The following SNX29 variants were observed in gnomAD, a reference collection of about 807,000 sequenced individuals.
The protein encoded by SNX29 is sorting nexin 29, also known as sorting nexin-29.
SNX29 carries 78 observed loss-of-function variants against 102.1 expected under a neutral mutation model. The observed-to-expected ratio is 0.76, with a 90% confidence interval of 0.64 to 0.92. The LOEUF (loss-of-function observed/expected upper bound fraction) is 0.92. Among genes scored for constraint, SNX29 ranks in the 40% least tolerant of loss-of-function variants. The pLI is 0.00. For synonymous variants in SNX29, 580 were observed against 414.5 expected, an observed-to-expected ratio of 1.40 and a Z score of -4.85; for missense variants, 1,280 against 1,061.7, an observed-to-expected ratio of 1.21 and a Z score of -2.86.
rs117850823 is a variant in SNX29, at chr16:12,438,972, G to C, written c.2037+35443G>C. On this transcript the variant is annotated intron_variant, in intron 18 of 20. Transcript: ENST00000566228. ...AGGTGAGGGTAGAGAGGAAGGCACC[G>C]GACAGGATTGTCCACCTGCCATGTA... is the stretch of plus-strand genomic sequence containing the variant. Among the ~76,000 whole-genome samples, 141 of 152,282 alleles carry C rather than the reference G, an allele frequency of 9.3e-4. 1 individual carries two copies. The highest frequency in any genetic ancestry group is 3.2e-3 in the African/African-American group (135 of 41,550).
chr16:12,011,467 G>A (rs1218234142), intron 3 of SNX29, among the ~76,000 whole-genome samples: 1 of 151,840 alleles, frequency 6.6e-6, no homozygotes, highest in African/African-American at 2.4e-5. Context: ...TAGAGACGGG[G>A]TTTAACCATG....
chr16:12,146,229 T>A (rs2055060642), intron 13 of SNX29, among the ~76,000 whole-genome samples: 1 of 152,200 alleles, frequency 6.6e-6, no homozygotes, highest in Non-Finnish European at 1.5e-5. Flanking sequence ...TAATGTGTAT[T>A]TCCCCAAGTG....
intron 13 of SNX29, among the ~76,000 whole-genome samples, chr16:12,163,508 C>T (rs984900933): frequency 3.3e-5 from 5 of 152,116 alleles, no homozygotes; most frequent in South Asian, 2.1e-4. Context: ...ATCCTCTAGG[C>T]GATGGAGCAG....
chr16:12,137,791 C>T (rs1322302303), intron 13 of SNX29, among the ~76,000 whole-genome samples: 4 of 152,192 alleles, frequency 2.6e-5, no homozygotes, highest in African/African-American at 4.8e-5. Flanking sequence ...TTGAGAAGGT[C>T]AGGCATACTG....
At chr16:12,318,019 C>A (rs966868338) in intron 15 of SNX29, among the ~76,000 whole-genome samples, 1 of 152,212 alleles carries the variant, frequency 6.6e-6, no homozygotes, top group Non-Finnish European at 1.5e-5. Context: ...CATCACGCCA[C>A]CGATGGAGGA....
At chr16:12,316,982 G>A (rs1032664706) in intron 15 of SNX29, among the ~76,000 whole-genome samples, 2 of 152,234 alleles carry the variant, frequency 1.3e-5, no homozygotes, top group Non-Finnish European at 2.9e-5. Flanking sequence ...ATCACAGAGG[G>A]CTAGAAACCT....
chr16:12,560,077 C>G (rs962958486), intron 20 of SNX29, among the ~76,000 whole-genome samples: 1 of 152,118 alleles, frequency 6.6e-6, no homozygotes, highest in Non-Finnish European at 1.5e-5. Context: ...AACTACTGTC[C>G]TAACAGTGGT....
chr16:12,471,433 A>T (rs1373993363), intron 18 of SNX29, among the ~76,000 whole-genome samples: 1 of 152,214 alleles, frequency 6.6e-6, no homozygotes. Flanking sequence ...TCAGGGCTTG[A>T]AGAGGTGAAT....
At chr16:12,495,909 C>T (rs1462311269) in intron 19 of SNX29, among the ~76,000 whole-genome samples, 3 of 152,090 alleles carry the variant, frequency 2.0e-5, no homozygotes, top group African/African-American at 2.4e-5. Flanking sequence ...AAAAATTAGA[C>T]AGATACGGTG....
chr16:12,129,599 C>T (rs748960139), intron 12 of SNX29, 31 bp from the exon 13 acceptor site: 2 of 1,592,228 alleles, frequency 1.3e-6, no homozygotes, highest in Non-Finnish European at 1.7e-6. Flanking sequence ...GGGTTGACAG[C>T]TTCTGAACAG....
At position 12,570,080 on chromosome 16, in the gene SNX29, A is replaced by G. The variant is rs577467516; in HGVS notation, c.*1451A>G. On this transcript the variant is annotated 3_prime_UTR_variant, in exon 21 of 21. Transcript: ENST00000566228. ...CTCTGGAGAATCATCTGGAAGGTTT[A>G]TACTGTGCCTTCCCCTCGTAGCAAA... 4 of 762,186 alleles carry G rather than the reference A, an allele frequency of 5.2e-6. No individual in the cohort carries two copies. Among genetic ancestry groups the G allele is most frequent in the Admixed American group, 5.5e-5 (1 of 18,266 alleles). 47.2% of individuals were successfully genotyped at this position (762,186 alleles called of 1,614,324 possible).
At chr16:12,532,506 A>G (rs1182622612) in intron 20 of SNX29, among the ~76,000 whole-genome samples, 1 of 152,240 alleles carries the variant, frequency 6.6e-6, no homozygotes, top group African/African-American at 2.4e-5. Context: ...AGTGGGAAGG[A>G]TGTTAGTAAT....
At chr16:12,030,534 A>G (rs2057310137) in intron 4 of SNX29, among the ~76,000 whole-genome samples, 1 of 152,024 alleles carries the variant, frequency 6.6e-6, no homozygotes. Context: ...TGTCTCTCAC[A>G]TGGGTCCCTG....
At chr16:12,182,280 C>T (rs529715880) in intron 13 of SNX29, among the ~76,000 whole-genome samples, 48 of 149,098 alleles carry the variant, frequency 3.2e-4, no homozygotes, top group South Asian at 8.6e-4. Context: ...TATTTCTAAA[C>T]GGGCATTTAA....
At chr16:12,123,987 C>G (rs1459746730) in intron 11 of SNX29, among the ~76,000 whole-genome samples, 1 of 152,120 alleles carries the variant, frequency 6.6e-6, no homozygotes, top group Non-Finnish European at 1.5e-5. Flanking sequence ...AGCTGAGAAG[C>G]AAGGATGATA....
At chr16:12,287,280 G>A (rs373596711) in intron 15 of SNX29, among the ~76,000 whole-genome samples, 51 of 152,324 alleles carry the variant, frequency 3.3e-4, no homozygotes, top group Admixed American at 1.2e-3. Flanking sequence ...TGGGTTTCCA[G>A]CCTCCAGCAT....
At chr16:12,373,143 A>AT (rs1410860908) in intron 16 of SNX29, 1 of 151,960 alleles carries the variant, frequency 6.6e-6, no homozygotes, top group Non-Finnish European at 1.5e-5. Context: ...TGTATTTTTA[A>AT]TTTTTTTAAG....
chr16:12,052,359 G>C, intron 8 of SNX29, 137 bp downstream of exon 8: 2 of 924,928 alleles, frequency 2.2e-6, no homozygotes, highest in Non-Finnish European at 1.6e-6. Flanking sequence ...TGGGATTACA[G>C]GCACCTGTCA....
intron 20 of SNX29, among the ~76,000 whole-genome samples, chr16:12,547,836 A>G (rs1404829596): frequency 2.0e-5 from 3 of 152,204 alleles, no homozygotes; most frequent in East Asian, 1.9e-4. Context: ...ACTGAGCCCC[A>G]GATTCCAAAC....
Sources: gnomAD v4.1 joint callset for allele counts (sites outside exome capture counted in the v4.1 genomes callset) on GRCh38, gnomAD v4.1.1 for gene constraint, MANE v1.5 for transcripts, NCBI Gene and HGNC (gene_info 2026-07-23, HGNC 2026-07-21) for gene names.